Variants in NLRP8 observed in about 807,000 individuals in gnomAD.
The protein encoded by NLRP8 is NLR family pyrin domain containing 8.
In NLRP8, 86 loss-of-function variants were observed where a neutral mutation model predicts 88.7. The observed-to-expected ratio is 0.97, with a 90% CI of 0.81 to 1.16. The LOEUF (loss-of-function observed/expected upper bound fraction) is 1.16. Ranked by LOEUF, NLRP8 falls within the 50% of genes most tolerant of loss-of-function variation. The probability of loss-of-function intolerance (pLI) is 0.00; values close to 1 mark genes in which losing one functional copy is unlikely to be tolerated. For missense variants in NLRP8, 1,342 were observed against 1,286.5 expected (o/e 1.04, Z -0.66); for synonymous variants, 504 against 494.6 (o/e 1.02, Z -0.25).
chr19:55,959,998 A>G (rs1028722255), intron 3 of NLRP8, among the ~76,000 whole-genome samples: 1 of 152,138 alleles, frequency 6.6e-6, no homozygotes, highest in African/African-American at 2.4e-5. Context: ...AGACCCCAAT[A>G]AAACTTGTTT....
chr19:55,953,032 C>T (rs1335916798), intron 2 of NLRP8, among the ~76,000 whole-genome samples: 3 of 152,200 alleles, frequency 2.0e-5, no homozygotes, highest in Non-Finnish European at 4.4e-5. Context: ...CTGGGCCACA[C>T]AGCAGGAGGT....
chr19:55,960,770 T>C (rs1979571562), intron 3 of NLRP8, among the ~76,000 whole-genome samples: 1 of 152,192 alleles, frequency 6.6e-6, no homozygotes, highest in Admixed American at 6.5e-5. Flanking sequence ...TGCTTTTTCA[T>C]CTCATGTGTC....
chr19:55,970,772 G>A, intron 6 of NLRP8, 76 bp downstream of exon 6: 1 of 1,580,244 alleles, frequency 6.3e-7, no homozygotes, highest in Non-Finnish European at 8.6e-7. Flanking sequence ...GCTTCTGTGA[G>A]AAAAGAAGTC....
intron 8 of NLRP8, among the ~76,000 whole-genome samples, chr19:55,976,546 T>G (rs1056041821): frequency 2.6e-5 from 4 of 152,054 alleles, no homozygotes; most frequent in African/African-American, 9.7e-5. Context: ...CCAGAAACTC[T>G]GAGGGTGGGA....
chr19:55,975,571 T>G (rs1230682190), intron 7 of NLRP8, among the ~76,000 whole-genome samples: 1 of 152,208 alleles, frequency 6.6e-6, no homozygotes, highest in East Asian at 1.9e-4. Context: ...GGCAGTATGG[T>G]GTATTCACGC....
chr19:55,948,207 C>T lies in NLRP8; in HGVS notation c.305C>T (p.Ser102Leu), dbSNP rs770625512. 1.2e-5 allele frequency: 19 copies of T among 1,613,970 alleles called. No individual in the cohort carries two copies. In the East Asian group the frequency reaches 1.6e-4, roughly 13 times the overall value. The stretch of plus-strand genomic sequence containing the variant: ...GGACGACGCGCTTGGGATGTGACTT[C>T]GAACATCTTTGCCATTATGAACTGT... Residue 102 changes from serine (S) to leucine (L), a missense_variant, in exon 1 of 10, where the codon TCG becomes TTG. Physicochemically the swap from Ser to Leu is moderately radical, Grantham distance 145. Transcript: ENST00000291971.
intron 2 of NLRP8, among the ~76,000 whole-genome samples, 176 bp downstream of exon 2, chr19:55,952,788 T>C (rs1289372100): frequency 6.6e-6 from 1 of 152,084 alleles, no homozygotes; most frequent in African/African-American, 2.4e-5. Flanking sequence ...TAGCCGGGCG[T>C]GGTGGCAGTT....
intron 9 of NLRP8, among the ~76,000 whole-genome samples, chr19:55,982,753 G>T (rs1374568412): frequency 6.6e-6 from 1 of 152,172 alleles, no homozygotes; most frequent in African/African-American, 2.4e-5. Context: ...ACCAGCCTGG[G>T]CAACATAGGG....
chr19:55,951,753 G>A (rs1979104334), intron 1 of NLRP8, among the ~76,000 whole-genome samples: 1 of 151,934 alleles, frequency 6.6e-6, no homozygotes, highest in African/African-American at 2.4e-5. Flanking sequence ...CCTGTATTGG[G>A]TTTTTTATTT....
Position 55,955,806 on chromosome 19 carries a change from A to G in NLRP8, c.1748A>G (p.Asn583Ser), listed in dbSNP as rs201576727. The G allele has an allele frequency of 2.5e-6, 4 of 1,614,188 alleles. No homozygotes were observed. The highest frequency in any genetic ancestry group is 3.4e-6 in the Non-Finnish European group (4 of 1,180,026). The change falls in exon 3 of 10, where the codon AAT (asparagine) becomes AGT (serine). Residue 583 changes from asparagine (N) to serine (S), a missense_variant. Coordinates refer to ENST00000291971, the MANE Select transcript of NLRP8 (RefSeq NM_176811.2). ...TTCCAATGCAAGGTGTCTTTCGGTA[A>G]TAAGAGGAAACTGCTGAAAGTCATA...
At chr19:55,973,915 A>G in intron 7 of NLRP8, 93 bp downstream of exon 7, 1 of 1,270,268 alleles carries the variant, frequency 7.9e-7, no homozygotes, top group Non-Finnish European at 1.1e-6. Flanking sequence ...TCACATATTT[A>G]TTAAGTGCCT....
At chr19:55,977,571 A>C (rs927587342) in intron 8 of NLRP8, among the ~76,000 whole-genome samples, 1 of 146,960 alleles carries the variant, frequency 6.8e-6, no homozygotes, top group Non-Finnish European at 1.5e-5. Flanking sequence ...TTTATATATG[A>C]AAATATATAA....
chr19:55,952,891 C>T (rs1194588290), intron 2 of NLRP8, among the ~76,000 whole-genome samples: 1 of 152,036 alleles, frequency 6.6e-6, no homozygotes, highest in African/African-American at 2.4e-5. Flanking sequence ...CACGCCACTG[C>T]ACTCTTGGGT....
At chr19:55,972,992 G>A (rs879903632) in intron 6 of NLRP8, among the ~76,000 whole-genome samples, 19 of 152,192 alleles carry the variant, frequency 1.2e-4, no homozygotes, top group Admixed American at 3.3e-4. Context: ...TAGTGGGATC[G>A]CTGCATCAAA....
In NLRP8 at chr19:55,955,523, G is replaced by C. The variant is rs371645857; in HGVS notation, c.1465G>C (p.Gly489Arg). ...TCAGACGGGAGTCACCGCCTTCCTT[G>C]GCATGAGTATTCTTCGGAGAATTGC... The change falls in exon 3 of 10, where the codon GGC becomes CGC. Residue 489 changes from glycine (G) to arginine (R), a missense_variant. Physicochemically the swap from Gly to Arg is moderately radical, Grantham distance 125. Coordinates refer to ENST00000291971, the MANE Select transcript of NLRP8 (RefSeq NM_176811.2). 5.5e-5 allele frequency: 88 copies of C among 1,614,148 alleles called. No individual in the cohort carries two copies. In the South Asian group the frequency reaches 7.2e-4, roughly 13 times the overall value.
chr19:55,985,328 A>AG (rs913552522), intron 9 of NLRP8, among the ~76,000 whole-genome samples: 2 of 151,838 alleles, frequency 1.3e-5, no homozygotes, highest in Non-Finnish European at 2.9e-5. Flanking sequence ...AAAAAGAAAA[A>AG]AAAGAAATGC....
chr19:55,979,272 T>C (rs1980472270), intron 8 of NLRP8, 122 bp from the exon 9 acceptor site: 6 of 1,094,290 alleles, frequency 5.5e-6, no homozygotes, highest in Non-Finnish European at 1.3e-6. Flanking sequence ...TAGACCATAG[T>C]TGGAACAACA....
intron 2 of NLRP8, among the ~76,000 whole-genome samples, chr19:55,953,919 C>T (rs2123186492): frequency 6.6e-6 from 1 of 150,592 alleles, no homozygotes; most frequent in South Asian, 2.1e-4. Context: ...CTCCTGCCTC[C>T]ACCTCCTGAG....
rs139441426 is a variant in NLRP8, at chr19:55,986,832, C to T, written c.3048-982C>T. Among the ~76,000 whole-genome samples the T allele has an allele frequency of 2.7e-3, 418 of 152,222 alleles. 5 individuals are homozygous for T. Among genetic ancestry groups the T allele is most frequent in the African/African-American group, 9.8e-3 (407 of 41,540 alleles). ...TGAGGTGTGAAGCTGGTGAGTATTC[C>T]TCCTGTCTTGCTCTCTGCCCTTCCC... On this transcript the variant is annotated intron_variant, in intron 9 of 9. Coordinates refer to ENST00000291971, the MANE Select transcript of NLRP8 (RefSeq NM_176811.2).
Sources: allele counts gnomAD v4.1 joint callset (sites outside exome capture counted in the v4.1 genomes callset), GRCh38; gene constraint gnomAD v4.1.1; transcripts MANE v1.5; gene names NCBI Gene and HGNC (gene_info 2026-07-23, HGNC 2026-07-21).